DCAF8L2: variants seen among roughly 807,000 people sequenced by gnomAD.
The protein encoded by DCAF8L2 is DDB1 and CUL4 associated factor 8 like 2.
For missense variants in DCAF8L2, 430 were observed against 490.7 expected (o/e 0.88, Z 1.17); for synonymous variants, 200 against 190.9 (o/e 1.05, Z -0.39).
chrX:27,618,120 T>G (rs1336940108), intron 1 of DCAF8L2, among the ~76,000 whole-genome samples: 1 of 111,625 alleles, frequency 9.0e-6, no homozygotes, highest in East Asian at 2.8e-4. Flanking sequence ...ATATGCAAAA[T>G]GAATTTGCAA....
chrX:27,586,448 A>G (rs776633363), upstream of DCAF8L2, among the ~76,000 whole-genome samples: 105 of 111,545 alleles, frequency 9.4e-4, no homozygotes, highest in Admixed American at 2.9e-3. Flanking sequence ...CTTTTAATGC[A>G]AAAAATGCAA....
In DCAF8L2 at chrX:27,731,823, T is replaced by C. The variant is rs189929710; in HGVS notation, c.-58-15015T>C. On this transcript the variant is annotated intron_variant, in intron 4 of 4. Coordinates refer to ENST00000451261, the MANE Select transcript of DCAF8L2 (RefSeq NM_001353450.2). The stretch of plus-strand genomic sequence containing the variant: ...ATTAATTTATTTAATGTTAATTAAA[T>C]AATTTAATCAGTTTATATTAATTTA... 3.7e-4 allele frequency among the ~76,000 whole-genome samples: 41 copies of C among 112,099 alleles called. No individual in the cohort carries two copies. In the East Asian group the frequency reaches 7.3e-3, roughly 20 times the overall value.
the DCAF8L2 span, chrX:27,518,121 A>C: frequency 8.9e-6 from 8 of 902,598 alleles, no homozygotes; most frequent in South Asian, 1.2e-4. Flanking sequence ...TAACCCAGAG[A>C]CTCTTCTTGC....
chrX:27,540,911 A>G, the DCAF8L2 span, among the ~76,000 whole-genome samples: 1 of 112,078 alleles, frequency 8.9e-6, no homozygotes, highest in East Asian at 2.8e-4. Context: ...ACACACGAAG[A>G]AACAGATTGA....
At chrX:27,500,649 A>T in the DCAF8L2 span, among the ~76,000 whole-genome samples, 70 of 111,997 alleles carry the variant, frequency 6.3e-4, no homozygotes, top group African/African-American at 2.1e-3. Context: ...TTAAAACCGT[A>T]ACTGCAGAAA....
At chrX:27,587,985 A>AAAAAAAAAAAAAAATATAT, upstream of DCAF8L2, among the ~76,000 whole-genome samples, 2 of 22,364 alleles carry the variant, frequency 8.9e-5, no homozygotes, top group African/African-American at 2.0e-4. Context: ...TAAAAAAAAA[A>AAAAAAAAAAAAAAATATAT]ATATATATAT....
chrX:27,577,964 G>A, the DCAF8L2 span, among the ~76,000 whole-genome samples: 2 of 111,329 alleles, frequency 1.8e-5, no homozygotes, highest in African/African-American at 3.3e-5. Context: ...CATGAAAATG[G>A]TCATACTGCC....
chrX:27,720,595 G>A (rs987092747), intron 4 of DCAF8L2, among the ~76,000 whole-genome samples: 2 of 110,640 alleles, frequency 1.8e-5, no homozygotes, highest in East Asian at 5.7e-4. Flanking sequence ...GGATGGTCTC[G>A]ATCTCCTGAC....
the DCAF8L2 span, among the ~76,000 whole-genome samples, chrX:27,545,405 A>T: frequency 7.2e-4 from 81 of 112,383 alleles, no homozygotes; most frequent in Admixed American, 7.6e-3. Context: ...GTGTTCAGAG[A>T]CTAGAAATTA....
rs1248208449 is a variant in DCAF8L2, at chrX:27,592,417, GT to G, written c.-342+1991del. ...GCATTGTTTTTTTTTGTTTGTTTTT[GT>G]TTTTTTTTTTTTTGGTTTATTTATT... On this transcript the variant is annotated intron_variant, in intron 1 of 4. Coordinates refer to ENST00000451261, the MANE Select transcript of DCAF8L2 (RefSeq NM_001353450.2). 5.7e-4 allele frequency among the ~76,000 whole-genome samples: 48 copies of G among 83,910 alleles called. No homozygotes were observed. In the Middle Eastern group the frequency reaches 0.024, roughly 42 times the overall value. 72.9% of individuals were successfully genotyped at this position (83,910 alleles called of 115,157 possible).
chrX:27,680,495 T>A (rs896890856), intron 3 of DCAF8L2, among the ~76,000 whole-genome samples: 27 of 112,012 alleles, frequency 2.4e-4, no homozygotes, highest in African/African-American at 8.1e-4. Context: ...ATAATAATTT[T>A]AAAAAATATC....
At chrX:27,477,087 G>T in the DCAF8L2 span, among the ~76,000 whole-genome samples, 1 of 111,766 alleles carries the variant, frequency 8.9e-6, no homozygotes, top group South Asian at 3.7e-4. Context: ...AGCTGAACTT[G>T]TTTCCCCAGA....
chrX:27,559,096 T>C, the DCAF8L2 span, among the ~76,000 whole-genome samples: 1 of 110,502 alleles, frequency 9.0e-6, no homozygotes. Flanking sequence ...ATTTTAAGTT[T>C]CCTGAGGCCT....
the DCAF8L2 span, among the ~76,000 whole-genome samples, chrX:27,480,360 C>G: frequency 8.9e-6 from 1 of 112,300 alleles, no homozygotes; most frequent in Non-Finnish European, 1.9e-5. Flanking sequence ...TCCATTCTCT[C>G]TCCTTCCTTG....
intron 4 of DCAF8L2, among the ~76,000 whole-genome samples, chrX:27,736,560 T>C (rs1030919348): frequency 8.9e-6 from 1 of 112,336 alleles, no homozygotes; most frequent in African/African-American, 3.2e-5. Context: ...TTACTTCAGA[T>C]AGAATGTGAG....
At chrX:27,721,719 A>G (rs1179055923) in intron 4 of DCAF8L2, among the ~76,000 whole-genome samples, 1 of 111,991 alleles carries the variant, frequency 8.9e-6, no homozygotes, top group Non-Finnish European at 1.9e-5. Context: ...CAATCAAGTA[A>G]CTCATAATTT....
At chrX:27,577,326 A>G in the DCAF8L2 span, among the ~76,000 whole-genome samples, 1 of 111,499 alleles carries the variant, frequency 9.0e-6, no homozygotes, top group Non-Finnish European at 1.9e-5. Context: ...GTCACAGTGA[A>G]CCTTCTGTAA....
At chrX:27,524,251 G>A in the DCAF8L2 span, among the ~76,000 whole-genome samples, 2 of 111,798 alleles carry the variant, frequency 1.8e-5, no homozygotes, top group African/African-American at 6.5e-5. Context: ...TCCTGGTTTA[G>A]TCTTGGGAGG....
intron 2 of DCAF8L2, among the ~76,000 whole-genome samples, chrX:27,657,756 AT>A (rs1293053971): frequency 8.9e-6 from 1 of 112,365 alleles, no homozygotes; most frequent in Non-Finnish European, 1.9e-5. Flanking sequence ...TTAAATTTCC[AT>A]TTATAGTTCT....
Sources: allele counts gnomAD v4.1 joint callset (sites outside exome capture counted in the v4.1 genomes callset), GRCh38; gene constraint gnomAD v4.1.1; transcripts MANE v1.5; gene names NCBI Gene and HGNC (gene_info 2026-07-23, HGNC 2026-07-21).